TCOF1: variants seen among roughly 807,000 people sequenced by gnomAD.
The protein encoded by TCOF1 is treacle ribosome biogenesis factor 1, also known as treacle protein.
TCOF1 carries 33 observed loss-of-function variants against 149.0 expected under a neutral mutation model. The ratio of observed to expected loss-of-function variants is 0.22; its 90% CI spans 0.17 to 0.30. The LOEUF is 0.30. Ranked by LOEUF, TCOF1 falls within the 10% of genes least tolerant of loss-of-function variation. TCOF1 has a pLI of 1.00. For missense variants in TCOF1, 1,728 were observed against 1,840.7 expected (o/e 0.94, Z 1.12); for synonymous variants, 789 against 738.8 (o/e 1.07, Z -1.10).
At chr5:150,395,076 G>A (rs945400386) in intron 23 of TCOF1, among the ~76,000 whole-genome samples, 6 of 152,182 alleles carry the variant, frequency 3.9e-5, no homozygotes, top group South Asian at 2.1e-4. Flanking sequence ...CGTCCCGGGG[G>A]CCCCTCTGCC....
chr5:150,375,691 C>T, intron 11 of TCOF1, 30 bp from the exon 12 acceptor site: 1 of 1,614,156 alleles, frequency 6.2e-7, no homozygotes, highest in Non-Finnish European at 8.5e-7. Context: ...CCCTGGGCTC[C>T]CTCTCCCGAT....
rs891941 is a variant in TCOF1 at position 150,364,413 on chromosome 5, C to T, written c.304+161C>T. 0.16 allele frequency among the ~76,000 whole-genome samples: 24,815 copies of T among 152,074 alleles called. 2,136 individuals are homozygous for T. The highest frequency in any genetic ancestry group is 0.22 in the African/African-American group (8,979 of 41,450). On this transcript the variant is annotated intron_variant, in intron 3 of 26. Coordinates refer to ENST00000643257, the MANE Select transcript of TCOF1 (RefSeq NM_001371623.1). ...TTTGGCAGTATTTGAGCCCTTCCTC[C>T]GTGCCAGGCATTATATCTCCATGCT...
chr5:150,391,215 A>G (rs566763114), intron 19 of TCOF1, among the ~76,000 whole-genome samples: 7 of 152,158 alleles, frequency 4.6e-5, no homozygotes, highest in Non-Finnish European at 5.9e-5. Flanking sequence ...GTCATGCCCA[A>G]TTTCCATGCC....
At position 150,398,470 on chromosome 5, in the gene TCOF1, G is replaced by A. The variant is rs1369703875; in HGVS notation, c.4443+19G>A. On this transcript the variant is annotated intron_variant, in intron 25 of 26. Coordinates refer to ENST00000643257, the MANE Select transcript of TCOF1 (RefSeq NM_001371623.1). ...GAAAAAGGTAGAGAGTTCCTGGGGT[G>A]TCTCAGGCCAGAAAACAGACCCAAA... is the stretch of plus-strand genomic sequence containing the variant. The A allele has an allele frequency of 1.9e-6, 3 of 1,613,898 alleles. No homozygotes were observed. The highest frequency in any genetic ancestry group is 1.7e-6 in the Non-Finnish European group (2 of 1,179,946).
At chr5:150,380,863 G>C (rs1764996274) in intron 17 of TCOF1, 1 of 152,122 alleles carries the variant, frequency 6.6e-6, no homozygotes, top group Non-Finnish European at 1.5e-5. Context: ...ACAAAAATTA[G>C]CCAGGCGTGA....
intron 23 of TCOF1, 126 bp from the exon 24 acceptor site, chr5:150,396,156 G>A: frequency 1.8e-6 from 2 of 1,100,656 alleles, no homozygotes; most frequent in Non-Finnish European, 2.8e-6. Flanking sequence ...GCCAAGCCTT[G>A]CTCTCCCCAT....
In TCOF1 at chr5:150,375,758, C is replaced by T; in HGVS notation, c.1742C>T (p.Thr581Ile). Residue 581 changes from threonine (T) to isoleucine (I), a missense_variant, in exon 12 of 27, where the codon ACC (threonine) becomes ATC (isoleucine). Around this residue, in one of 2 missense-constraint regions of TCOF1, gnomAD observed 1,696 missense variants for 1,765.4 expected, o/e 0.96. Coordinates refer to ENST00000643257, the MANE Select transcript of TCOF1 (RefSeq NM_001371623.1). ...SLGNILQAKP[T>I]SSPAKGPPQK... ...GGGAACATCCTCCAGGCCAAACCCA[C>T]CTCCAGTCCTGCCAAGGGGCCCCCT... The T allele has an allele frequency of 1.9e-6, 3 of 1,614,294 alleles. No homozygotes were observed. The highest frequency in any genetic ancestry group is 2.5e-6 in the Non-Finnish European group (3 of 1,180,056).
rs1762093339 is a variant in TCOF1, at chr5:150,369,594, G to C, written c.631G>C (p.Asp211His). 3 of 1,614,042 alleles carry C rather than the reference G, an allele frequency of 1.9e-6. No homozygotes were observed. Among genetic ancestry groups the C allele is most frequent in the Non-Finnish European group, 2.5e-6 (3 of 1,180,042 alleles). Reference sequence around the variant, plus strand: ...CACCTCCAGCTCCAGTGATGAGACAGACGTGGAGGTAATTGCCACCCATCC... The same window carrying C: ...CACCTCCAGCTCCAGTGATGAGACACACGTGGAGGTAATTGCCACCCATCC... The part of the protein sequence containing the change: ...EDTSSSSDET[D>H]VEGKPSVKPA... Residue 211 changes from aspartate (D) to histidine (H), a missense_variant, in exon 6 of 27, where the codon GAC (aspartate) becomes CAC (histidine). Physicochemically the swap from Asp to His is moderately conservative, Grantham distance 81 (BLOSUM62 -1). Coordinates refer to ENST00000643257, the MANE Select transcript of TCOF1 (RefSeq NM_001371623.1).
At chr5:150,376,993 G>T (rs912515390) in intron 14 of TCOF1, among the ~76,000 whole-genome samples, 18 of 152,166 alleles carry the variant, frequency 1.2e-4, no homozygotes, top group Admixed American at 2.0e-4. Context: ...GAGATAGAGG[G>T]TGTGAGCCTG....
At chr5:150,388,191 G>A in intron 18 of TCOF1, 103 bp downstream of exon 18, 1 of 1,495,864 alleles carries the variant, frequency 6.7e-7, no homozygotes. Context: ...GCAAGGTGTT[G>A]GTCGGGAGGG....
At chr5:150,394,540 G>A (rs1768046829) in intron 23 of TCOF1, 1 of 152,248 alleles carries the variant, frequency 6.6e-6, no homozygotes, top group African/African-American at 2.4e-5. Context: ...TGGAGCTAAG[G>A]GTCAAATATG....
intron 3 of TCOF1, 27 bp downstream of exon 3, chr5:150,364,279 G>A: frequency 6.2e-7 from 1 of 1,613,858 alleles, no homozygotes; most frequent in Non-Finnish European, 8.5e-7. Flanking sequence ...TTTGGGAACA[G>A]GCTATGGAAT....
chr5:150,358,710 G>A (rs1369000650), intron 1 of TCOF1, among the ~76,000 whole-genome samples: 3 of 152,094 alleles, frequency 2.0e-5, no homozygotes, highest in Non-Finnish European at 2.9e-5. Flanking sequence ...GTTGGCGCAC[G>A]CCTGTAATCC....
In TCOF1 at chr5:150,375,079, G is replaced by A; in HGVS notation, c.1404G>A (p.Val468=). 6.2e-7 allele frequency: 1 copy of A among 1,614,164 alleles called. No individual in the cohort carries two copies. Among genetic ancestry groups the A allele is most frequent in the Non-Finnish European group, 8.5e-7 (1 of 1,180,026 alleles). Residue 468 remains valine, a synonymous_variant, in exon 10 of 27, where the codon GTG becomes GTA. Coordinates refer to ENST00000643257, the MANE Select transcript of TCOF1 (RefSeq NM_001371623.1). The part of the protein sequence containing the change: ...KTGPAAAQVQ[V]GKQEEDSRSS... ...GGCCTGCAGCCGCCCAGGTCCAGGT[G>A]GGGAAGCAGGAGGAGGACTCAAGAA...
chr5:150,368,584 A>G, intron 4 of TCOF1, 132 bp from the exon 5 acceptor site: 2 of 1,004,052 alleles, frequency 2.0e-6, no homozygotes, highest in South Asian at 2.7e-5. Flanking sequence ...AAGATTGGGA[A>G]ACAGATTGAA....
In TCOF1 at chr5:150,362,008, C is replaced by T. The variant is rs140022381; in HGVS notation, c.164+797C>T. ...AGACTGGTGGGGCCATGGTCACCAT[C>T]GTCCAGGCAAGAGCTGATGGGGCTT... On this transcript the variant is annotated intron_variant, in intron 2 of 26. Coordinates refer to ENST00000643257, the MANE Select transcript of TCOF1 (RefSeq NM_001371623.1). Among the ~76,000 whole-genome samples, 110 of 152,244 alleles carry T rather than the reference C, an allele frequency of 7.2e-4. 1 individual carries two copies. The East Asian group carries it at 0.017, about 23-fold the overall frequency.
chr5:150,359,183 C>G (rs1354231220), intron 1 of TCOF1, among the ~76,000 whole-genome samples: 1 of 152,012 alleles, frequency 6.6e-6, no homozygotes, highest in Non-Finnish European at 1.5e-5. Context: ...CCTGTCTCTA[C>G]TAAAAATGCA....
chr5:150,380,284 G>GCGACCA, intron 17 of TCOF1: 2 of 170,594 alleles, frequency 1.2e-5, no homozygotes, highest in South Asian at 1.4e-4. Context: ...CTATATCTAG[G>GCGACCA]TCGAGGTCTC....
intron 2 of TCOF1, among the ~76,000 whole-genome samples, chr5:150,361,929 G>T (rs1760200465): frequency 6.6e-6 from 1 of 152,188 alleles, no homozygotes; most frequent in Non-Finnish European, 1.5e-5. Flanking sequence ...TTATCCAAGA[G>T]CAGTGGGGCC....
Sources: gnomAD v4.1 joint callset for allele counts (sites outside exome capture counted in the v4.1 genomes callset) on GRCh38, gnomAD v4.1.1 for gene constraint, gnomAD v4.1.1 regional missense constraint, MANE v1.5 for transcripts, NCBI Gene and HGNC (gene_info 2026-07-23, HGNC 2026-07-21) for gene names.